Variants in MACROD2 observed in about 807,000 individuals in gnomAD.
The protein encoded by MACROD2 is ADP-ribose glycohydrolase MACROD2.
MACROD2 carries 36 observed loss-of-function variants against 70.4 expected under a neutral mutation model. That is an observed-to-expected ratio of 0.51 (90% CI 0.39 to 0.68). The LOEUF (loss-of-function observed/expected upper bound fraction) is 0.68, where lower values mean the gene tolerates loss of function less well. Ranked by LOEUF, MACROD2 falls within the 30% of genes least tolerant of loss-of-function variation. MACROD2 has a pLI of 0.00. For synonymous variants in MACROD2, 172 were observed against 178.8 expected, an observed-to-expected ratio of 0.96 and a Z score of 0.30; for missense variants, 496 against 538.4, an observed-to-expected ratio of 0.92 and a Z score of 0.78.
intron 8 of MACROD2, among the ~76,000 whole-genome samples, chr20:15,507,964 C>G (rs865942437): frequency 6.6e-5 from 10 of 152,320 alleles, no homozygotes; most frequent in African/African-American, 2.2e-4. Flanking sequence ...TAATTACACA[C>G]TTTTAGGCGT....
chr20:14,590,910 C>T (rs1047739095), intron 4 of MACROD2, among the ~76,000 whole-genome samples: 2 of 151,996 alleles, frequency 1.3e-5, no homozygotes, highest in Non-Finnish European at 2.9e-5. Context: ...ATATTAAGTC[C>T]ACATTAGGTC....
intron 4 of MACROD2, among the ~76,000 whole-genome samples, chr20:14,504,086 A>T (rs540088666): frequency 6.6e-6 from 1 of 152,288 alleles, no homozygotes; most frequent in East Asian, 1.9e-4. Context: ...TTCCTCTAAG[A>T]TTATAGATTT....
intron 15 of MACROD2, among the ~76,000 whole-genome samples, chr20:15,997,170 T>G (rs1041184996): frequency 5.3e-5 from 8 of 152,212 alleles, no homozygotes; most frequent in African/African-American, 1.9e-4. Context: ...TTCTCAAGAT[T>G]GCTTTGACTA....
At chr20:14,511,234 T>C (rs1393649541) in intron 4 of MACROD2, among the ~76,000 whole-genome samples, 1 of 152,062 alleles carries the variant, frequency 6.6e-6, no homozygotes, top group African/African-American at 2.4e-5. Context: ...AGAAAACATG[T>C]AACTTAATTG....
At chr20:14,793,320 T>C (rs2072471986) in intron 5 of MACROD2, among the ~76,000 whole-genome samples, 1 of 152,060 alleles carries the variant, frequency 6.6e-6, no homozygotes, top group South Asian at 2.1e-4. Context: ...GTAGTATCAA[T>C]AAGACCCGGA....
intron 5 of MACROD2, among the ~76,000 whole-genome samples, chr20:15,090,165 T>C (rs1341815128): frequency 6.6e-6 from 1 of 150,930 alleles, no homozygotes; most frequent in Non-Finnish European, 1.5e-5. Flanking sequence ...AGCAGTAATA[T>C]ATGCTAGGAC....
chr20:14,458,724 GA>G lies in MACROD2; in HGVS notation c.272-34747del, dbSNP rs1292532101. ...ACATACTACTAAATATAAAAGAAGG[GA>G]AAAAAAAGGCAAGCAGTTATGTTGA... On this transcript the variant is annotated intron_variant, in intron 3 of 17. Coordinates refer to ENST00000684519, the MANE Select transcript of MACROD2 (RefSeq NM_001351661.2). Among the ~76,000 whole-genome samples, 5 of 151,466 alleles carry G rather than the reference GA, an allele frequency of 3.3e-5. No individual in the cohort carries two copies. In the East Asian group the frequency reaches 5.8e-4, roughly 18 times the overall value.
chr20:15,095,976 A>G (rs2075828565), intron 5 of MACROD2, among the ~76,000 whole-genome samples: 1 of 152,126 alleles, frequency 6.6e-6, no homozygotes, highest in Non-Finnish European at 1.5e-5. Flanking sequence ...TCACTAAAAG[A>G]ATTTCTAATA....
intron 6 of MACROD2, among the ~76,000 whole-genome samples, chr20:15,377,205 A>T (rs2045575763): frequency 6.6e-6 from 1 of 152,082 alleles, no homozygotes; most frequent in Non-Finnish European, 1.5e-5. Context: ...TCTTATTTTT[A>T]ATGTTAATTT....
chr20:15,883,068 T>C (rs2064778200), intron 9 of MACROD2, among the ~76,000 whole-genome samples: 1 of 151,860 alleles, frequency 6.6e-6, no homozygotes, highest in Admixed American at 6.6e-5. Context: ...AAAAAACTGC[T>C]TAAGTTTCTA....
intron 2 of MACROD2, among the ~76,000 whole-genome samples, chr20:14,042,792 G>A (rs1343750642): frequency 2.0e-5 from 3 of 152,088 alleles, no homozygotes; most frequent in Admixed American, 6.5e-5. Context: ...GCGCCACCGC[G>A]TGTGGCTCCT....
chr20:15,383,681 G>T (rs1477989002), intron 6 of MACROD2, among the ~76,000 whole-genome samples: 1 of 152,108 alleles, frequency 6.6e-6, no homozygotes, highest in Non-Finnish European at 1.5e-5. Context: ...TGATCTCCAG[G>T]AAAGCTTGTG....
intron 3 of MACROD2, among the ~76,000 whole-genome samples, chr20:14,100,588 T>C (rs2054285093): frequency 6.9e-6 from 1 of 145,308 alleles, no homozygotes; most frequent in African/African-American, 2.5e-5. Flanking sequence ...TATAGGGGAT[T>C]TTAGAGACTT....
At chr20:15,833,819 C>A (rs956189613) in intron 8 of MACROD2, among the ~76,000 whole-genome samples, 1 of 152,122 alleles carries the variant, frequency 6.6e-6, no homozygotes, top group Non-Finnish European at 1.5e-5. Flanking sequence ...TGTTGCTGTT[C>A]TCCAAATTCA....
intron 5 of MACROD2, among the ~76,000 whole-genome samples, chr20:14,805,263 C>T (rs902252216): frequency 1.3e-5 from 2 of 152,048 alleles, no homozygotes; most frequent in African/African-American, 4.8e-5. Context: ...TTCAGGCAGT[C>T]CTGGCATGTA....
chr20:15,352,344 T>A (rs1344648252), intron 6 of MACROD2, among the ~76,000 whole-genome samples: 1 of 152,198 alleles, frequency 6.6e-6, no homozygotes, highest in Non-Finnish European at 1.5e-5. Flanking sequence ...AGAGTGTTAA[T>A]GAAGACATTC....
intron 3 of MACROD2, among the ~76,000 whole-genome samples, chr20:14,302,650 GT>G (rs202137695): frequency 6.7e-6 from 1 of 149,288 alleles, no homozygotes; most frequent in African/African-American, 2.4e-5. Context: ...ACTTGGAAGT[GT>G]TTTTTTTGTT....
At chr20:16,009,330 C>T (rs530622068) in intron 15 of MACROD2, among the ~76,000 whole-genome samples, 5 of 152,310 alleles carry the variant, frequency 3.3e-5, no homozygotes, top group Non-Finnish European at 7.4e-5. Context: ...AGCATGGAAA[C>T]AGCTACCCCT....
chr20:16,041,417 G>A, intron 16 of MACROD2, 139 bp downstream of exon 16: 1 of 663,380 alleles, frequency 1.5e-6, no homozygotes, highest in Non-Finnish European at 2.4e-6. Context: ...AAACAATTTT[G>A]TGCTACAAAC....
Sources: allele counts gnomAD v4.1 joint callset (sites outside exome capture counted in the v4.1 genomes callset), GRCh38; gene constraint gnomAD v4.1.1; transcripts MANE v1.5; gene names NCBI Gene and HGNC (gene_info 2026-07-23, HGNC 2026-07-21).